UGT1A4: variants seen among roughly 807,000 people sequenced by gnomAD.
UGT1A4 encodes the protein UDP-glucuronosyltransferase 1A4.
UGT1A4 carries 32 observed loss-of-function variants against 41.1 expected under a neutral mutation model. The ratio of observed to expected loss-of-function variants is 0.78; its 90% CI spans 0.59 to 1.05. UGT1A4 has a LOEUF of 1.05. UGT1A4 is among the 50% of genes least tolerant of loss of function. The pLI, the probability that UGT1A4 is intolerant of heterozygous loss-of-function variation, is 0.00. For synonymous variants in UGT1A4, 283 were observed against 265.1 expected (o/e 1.07, Z -0.66); for missense variants, 748 against 677.4 (o/e 1.10, Z -1.16).
At chr2:233,724,298 C>T (rs1308100434) in intron 1 of UGT1A4, among the ~76,000 whole-genome samples, 3 of 143,234 alleles carry the variant, frequency 2.1e-5, no homozygotes, top group African/African-American at 7.8e-5. Flanking sequence ...CTGACCCCCC[C>T]ACCTCCCTCC....
At chr2:233,737,494 C>T (rs1180844627) in intron 1 of UGT1A4, among the ~76,000 whole-genome samples, 1 of 152,208 alleles carries the variant, frequency 6.6e-6, no homozygotes, top group South Asian at 2.1e-4. Context: ...AGGGAAATCC[C>T]TCACCCTCTT....
intron 1 of UGT1A4, among the ~76,000 whole-genome samples, chr2:233,751,862 A>G (rs1489873330): frequency 6.6e-6 from 1 of 152,176 alleles, no homozygotes; most frequent in Admixed American, 6.5e-5. Flanking sequence ...TGTCTTTTAT[A>G]AATTACCCCG....
chr2:233,736,731 G>A (rs2078799563), intron 1 of UGT1A4, among the ~76,000 whole-genome samples: 1 of 151,600 alleles, frequency 6.6e-6, no homozygotes, highest in Non-Finnish European at 1.5e-5. Context: ...TGATGTTTAT[G>A]CTGTTCCTTT....
intron 1 of UGT1A4, chr2:233,754,697 C>T (rs1559399199): frequency 1.4e-5 from 7 of 503,130 alleles, no homozygotes; most frequent in Admixed American, 1.2e-4. Flanking sequence ...CAGTGGAAGT[C>T]GACATGGACT....
chr2:233,723,542 A>ATTTTTTTTTTT (rs2077098328), intron 1 of UGT1A4, among the ~76,000 whole-genome samples: 1 of 74,518 alleles, frequency 1.3e-5, no homozygotes. Context: ...TTTTTAATTT[A>ATTTTTTTTTTT]TTTTTTTATT....
chr2:233,766,972 C>T, intron 1 of UGT1A4, 62 bp from the exon 2 acceptor site: 2 of 1,611,258 alleles, frequency 1.2e-6, no homozygotes, highest in South Asian at 1.1e-5. Context: ...TCATAACTTA[C>T]TGTATGTAGT....
In UGT1A4 at chr2:233,772,291, G is replaced by C; in HGVS notation, c.1337G>C (p.Ser446Thr). Residue 446 changes from serine (S) to threonine (T), a missense_variant, in exon 5 of 5, where the codon AGC becomes ACC. Physicochemically the swap from Ser to Thr is moderately conservative, Grantham distance 58. Transcript: ENST00000373409. ...SYKENIMRLS[S>T]LHKDRPVEPL... ...AAGGAGAACATCATGCGCCTCTCCA[G>C]CCTTCACAAGGACCGCCCGGTGGAG... 1 of 1,614,230 alleles carries C rather than the reference G, an allele frequency of 6.2e-7. No individual in the cohort carries two copies. The highest frequency in any genetic ancestry group is 8.5e-7 in the Non-Finnish European group (1 of 1,180,052).
At chr2:233,751,930 T>G (rs1477221297) in intron 1 of UGT1A4, among the ~76,000 whole-genome samples, 5 of 152,152 alleles carry the variant, frequency 3.3e-5, no homozygotes, top group African/African-American at 7.2e-5. Context: ...TGGTGGTGAT[T>G]GAAGTTATAC....
chr2:233,747,460 C>T, intron 1 of UGT1A4: 1 of 1,608,790 alleles, frequency 6.2e-7, no homozygotes, highest in Non-Finnish European at 8.5e-7. Context: ...TATGCCATTT[C>T]ATGGACCCAG....
At chr2:233,747,074 A>T (rs1478196307) in intron 1 of UGT1A4, 1 of 1,039,396 alleles carries the variant, frequency 9.6e-7, no homozygotes, top group Non-Finnish European at 1.3e-6. Flanking sequence ...GGTAATAATT[A>T]ACTAGGAGGA....
At position 233,718,933 on chromosome 2, in the gene UGT1A4, G is replaced by C; in HGVS notation, c.113G>C (p.Gly38Ala). The C allele has an allele frequency of 6.2e-7, 1 of 1,614,132 alleles. No homozygotes were observed. The highest frequency in any genetic ancestry group is 8.5e-7 in the Non-Finnish European group (1 of 1,180,004). The change falls in exon 1 of 5, where the codon GGC becomes GCC. Residue 38 changes from glycine to alanine, a missense_variant. By Grantham distance (60) the Gly-to-Ala change is moderately conservative. Coordinates refer to ENST00000373409, the MANE Select transcript of UGT1A4 (RefSeq NM_007120.3). ...AAGGTGTTGGTGGTGCCCACTGATG[G>C]CAGCCCCTGGCTCAGCATGCGGGAG... The part of the protein sequence containing the change: ...SGKVLVVPTD[G>A]SPWLSMREAL...
intron 1 of UGT1A4, chr2:233,754,915 G>A (rs747609109): frequency 3.0e-6 from 4 of 1,353,928 alleles, no homozygotes; most frequent in Admixed American, 1.9e-5. Context: ...ATATTCTCCA[G>A]CGGGTTTCCC....
intron 1 of UGT1A4, among the ~76,000 whole-genome samples, chr2:233,726,110 G>C (rs2077503399): frequency 6.6e-6 from 1 of 152,164 alleles, no homozygotes; most frequent in Non-Finnish European, 1.5e-5. Context: ...AGGCTGCAGT[G>C]TGCCATGTTC....
chr2:233,743,823 G>A, intron 1 of UGT1A4: 2 of 1,367,252 alleles, frequency 1.5e-6, no homozygotes, highest in Non-Finnish European at 2.0e-6. Flanking sequence ...TTTTTGTCGG[G>A]GTGCCACTTG....
chr2:233,725,771 TTTG>T (rs1358189375), intron 1 of UGT1A4, among the ~76,000 whole-genome samples: 1 of 152,264 alleles, frequency 6.6e-6, no homozygotes, highest in Admixed American at 6.5e-5. Flanking sequence ...CTTCACATAG[TTTG>T]TTGTTATCAT....
In UGT1A4 at chr2:233,772,279, T is replaced by G. The variant is rs202172337; in HGVS notation, c.1325T>G (p.Met442Arg). Residue 442 changes from methionine to arginine, a missense_variant, in exon 5 of 5, where the codon ATG (methionine) becomes AGG (arginine). By Grantham distance (91) the Met-to-Arg change is moderately conservative. Transcript: ENST00000373409. ...INDKSYKENI[M>R]RLSSLHKDRP... The stretch of plus-strand genomic sequence containing the variant: ...GTGTTTAGTTACAAGGAGAACATCA[T>G]GCGCCTCTCCAGCCTTCACAAGGAC... 1.9e-6 allele frequency: 3 copies of G among 1,614,146 alleles called. No homozygotes were observed. The African/African-American group carries it at 4.0e-5, about 22-fold the overall frequency.
chr2:233,725,694 T>C (rs903551237), intron 1 of UGT1A4, among the ~76,000 whole-genome samples: 1 of 152,238 alleles, frequency 6.6e-6, no homozygotes, highest in African/African-American at 2.4e-5. Context: ...TCAATAGTCA[T>C]ATGTAGTTAG....
intron 1 of UGT1A4, among the ~76,000 whole-genome samples, chr2:233,725,596 A>G (rs1198733285): frequency 6.6e-6 from 1 of 152,166 alleles, no homozygotes; most frequent in East Asian, 1.9e-4. Context: ...ACTATTTGAC[A>G]TAGTTTTTTC....
At chr2:233,767,305 G>T (rs907806050) in intron 2 of UGT1A4, 140 bp downstream of exon 2, 20 of 1,519,058 alleles carry the variant, frequency 1.3e-5, no homozygotes, top group Non-Finnish European at 1.7e-5. Context: ...TAATCCAAAG[G>T]TTTTTTTTGT....
Sources: allele counts gnomAD v4.1 joint callset (sites outside exome capture counted in the v4.1 genomes callset), GRCh38; gene constraint gnomAD v4.1.1; transcripts MANE v1.5; gene names NCBI Gene and HGNC (gene_info 2026-07-23, HGNC 2026-07-21).